DHRS7: variants seen among roughly 807,000 people sequenced by gnomAD.
The protein encoded by DHRS7 is dehydrogenase/reductase SDR family member 7.
In DHRS7, 34 loss-of-function variants were observed where a neutral mutation model predicts 38.9. That is an observed-to-expected ratio of 0.87 (90% CI 0.66 to 1.16). The LOEUF is 1.16. Ranked by LOEUF, DHRS7 falls within the 50% of genes most tolerant of loss-of-function variation. DHRS7 has a pLI of 0.00. For missense variants in DHRS7, 421 were observed against 407.0 expected (o/e 1.03, Z -0.30); for synonymous variants, 158 against 153.1 (o/e 1.03, Z -0.24).
At chr14:60,159,061 C>A in intron 1 of DHRS7, 1 of 461,468 alleles carries the variant, frequency 2.2e-6, no homozygotes, top group Non-Finnish European at 4.4e-6. Flanking sequence ...ATCCAAGGCC[C>A]AAAAGTTTGT....
In DHRS7 at chr14:60,149,554, AT is replaced by A; in HGVS notation, c.770del (p.Asn257MetfsTer8). 1 of 1,609,866 alleles carries A rather than the reference AT, an allele frequency of 6.2e-7. No individual in the cohort carries two copies. On this transcript the variant is annotated frameshift_variant, in exon 6 of 7. Transcript: ENST00000557185. LOFTEE classifies it high-confidence loss of function. ...TTGTCATCTTGTGGGACTGGTCTCC[AT>A]TATTGCCTATAGTCTAAGAAAAGTT... Reference protein sequence around the residue: ...AGEVTKTIGNNGDQSHKMTTS... With the variant: ...AGEVTKTIGNXGDQSHKMTTS...
chr14:60,153,898 A>T lies in DHRS7; in HGVS notation c.393+61T>A. On this transcript the variant is annotated intron_variant, in intron 3 of 6. Transcript: ENST00000557185. The surrounding 1 kb of genome is among the most constrained non-coding windows in gnomAD (Gnocchi z 4.4). ...AGCCCTTTGTATGACAGCACCACGGATGGGAATCTCTTCTGCAGTTACTTC... is the reference window on the plus strand; with the variant it reads ...AGCCCTTTGTATGACAGCACCACGGTTGGGAATCTCTTCTGCAGTTACTTC... The T allele has an allele frequency of 6.8e-7, 1 of 1,472,662 alleles. No homozygotes were observed. Among genetic ancestry groups the T allele is most frequent in the Non-Finnish European group, 9.5e-7 (1 of 1,052,600 alleles). The allele number at this position is 1,472,662 out of a possible 1,614,324, so 91.2% of individuals were successfully genotyped here.
rs1896587437 is a variant in DHRS7, at chr14:60,153,228, A to T, written c.394-50T>A. The T allele has an allele frequency of 2.5e-6, 4 of 1,599,094 alleles. No individual in the cohort carries two copies. In the African/African-American group the frequency reaches 5.4e-5, roughly 21 times the overall value. ...GGTGTTTGGGGGATGTCTTGTGGAT[A>T]GATTGATGGAATTCCTATGGATGGT... On this transcript the variant is annotated intron_variant, in intron 3 of 6. Transcript: ENST00000557185. This position sits in a 1 kb window ranked among gnomAD's most constrained non-coding sequence, Gnocchi z 4.4.
chr14:60,165,027 G>A lies in DHRS7; in HGVS notation c.133+150C>T, dbSNP rs1037242398. 3 of 978,328 alleles carry A rather than the reference G, an allele frequency of 3.1e-6. No individual in the cohort carries two copies. The African/African-American group carries it at 4.9e-5, about 16-fold the overall frequency. The allele number at this position is 978,328 out of a possible 1,614,324, so 60.6% of individuals were successfully genotyped here. A position where few individuals can be genotyped will look rare whatever the true frequency, so the allele number is the denominator to read the frequency against. On this transcript the variant is annotated intron_variant, in intron 1 of 6. Transcript: ENST00000557185. This position sits in a 1 kb window ranked among gnomAD's most constrained non-coding sequence, Gnocchi z 4.6. Reference sequence around the variant, plus strand: ...CTCGCCTCTTCCTCCCCAACCCGCAGCCCCTGCGTAAGGGGCAGCCGGGCC... The same window carrying A: ...CTCGCCTCTTCCTCCCCAACCCGCAACCCCTGCGTAAGGGGCAGCCGGGCC...
Position 60,149,661 on chromosome 14 carries a change from C to T in DHRS7, c.757-93G>A, listed in dbSNP as rs1219245851. The stretch of plus-strand genomic sequence containing the variant: ...TCAAATGCCGTCTAGTTGAGTGGTT[C>T]CTTTAGTGGAGCTTCATGCCCCTTA... On this transcript the variant is annotated intron_variant, in intron 5 of 6. Coordinates refer to ENST00000557185, the MANE Select transcript of DHRS7 (RefSeq NM_016029.4). 5.3e-6 allele frequency: 5 copies of T among 943,110 alleles called. No homozygotes were observed. The South Asian group carries it at 8.4e-5, about 16-fold the overall frequency. 58.4% of individuals were successfully genotyped at this position (943,110 alleles called of 1,614,324 possible). A position where few individuals can be genotyped will look rare whatever the true frequency, so the allele number is the denominator to read the frequency against.
chr14:60,166,604 C>T (rs368233018), upstream of DHRS7, among the ~76,000 whole-genome samples: 343 of 151,920 alleles, frequency 2.3e-3, 4 homozygotes, highest in Middle Eastern at 0.024. Flanking sequence ...ATAGCTCTTC[C>T]TTCTCTTTTT....
chr14:60,155,972 G>A, intron 2 of DHRS7, 28 bp downstream of exon 2: 1 of 1,484,300 alleles, frequency 6.7e-7, no homozygotes. Context: ...TTTCTAGGAA[G>A]CACCGCTGCT....
upstream of DHRS7, chr14:60,168,929 G>A (rs1896898609): frequency 1.5e-6 from 1 of 658,442 alleles, no homozygotes. Flanking sequence ...TGAAGTTTTG[G>A]AGAACCTGGG....
chr14:60,168,908 A>AG, upstream of DHRS7: 25 of 863,050 alleles, frequency 2.9e-5, no homozygotes, highest in Non-Finnish European at 3.6e-5. Context: ...TGGTTAGTCT[A>AG]ACTAACCCAT....
chr14:60,153,058 A>G lies in DHRS7; in HGVS notation c.514T>C (p.Cys172Arg), dbSNP rs1207038412. The change falls in exon 4 of 7, where the codon TGT becomes CGT. Residue 172 changes from cysteine to arginine, a missense_variant. Coordinates refer to ENST00000557185, the MANE Select transcript of DHRS7 (RefSeq NM_016029.4). This position sits in a 1 kb window ranked among gnomAD's most constrained non-coding sequence, Gnocchi z 4.4. Reference sequence around the variant, plus strand: ...CTCTCGATCATGTGAGGCAGAACACATTTTGTCAAGGACACCGTCCCTAAG... The same window carrying G: ...CTCTCGATCATGTGAGGCAGAACACGTTTTGTCAAGGACACCGTCCCTAAG... ...NYLGTVSLTK[C>R]VLPHMIERKQ... 2 of 1,614,104 alleles carry G rather than the reference A, an allele frequency of 1.2e-6. No individual in the cohort carries two copies. The highest frequency in any genetic ancestry group is 2.2e-5 in the South Asian group (2 of 91,088).
In DHRS7 at chr14:60,146,234, T is replaced by C. The variant is rs937116518; in HGVS notation, c.973-1221A>G. The C allele has an allele frequency of 8.6e-5, 13 of 151,510 alleles. No homozygotes were observed. Among genetic ancestry groups the C allele is most frequent in the East Asian group, 7.7e-4 (4 of 5,196 alleles). The allele number at this position is 151,510 out of a possible 1,614,324, so 9.4% of individuals were successfully genotyped here. A position where few individuals can be genotyped will look rare whatever the true frequency, so the allele number is the denominator to read the frequency against. ...TCATTTTTTTAGAAAAACCTAGATG[T>C]AAAAAAAATGCGAGATTTGCTAAAT... On this transcript the variant is annotated intron_variant, in intron 6 of 6. Transcript: ENST00000557185. The surrounding 1 kb of genome is among the most constrained non-coding windows in gnomAD (Gnocchi z 4.9).
intron 1 of DHRS7, among the ~76,000 whole-genome samples, chr14:60,158,468 C>A (rs1163515570): frequency 1.3e-5 from 2 of 152,106 alleles, no homozygotes; most frequent in Admixed American, 6.5e-5. Flanking sequence ...GAGTGAATAT[C>A]ATTTGTTTTA....
rs971551131 is a variant in DHRS7 at position 60,146,914 on chromosome 14, G to A, written c.973-1901C>T. On this transcript the variant is annotated intron_variant, in intron 6 of 6. Transcript: ENST00000557185. The surrounding 1 kb of genome is among the most constrained non-coding windows in gnomAD (Gnocchi z 4.9). ...TGGTTGCCAGGAGCCAGAAGATGGAGGAAATGGGGAGATCTTGGTCAAAAG... is the reference window on the plus strand; with the variant it reads ...TGGTTGCCAGGAGCCAGAAGATGGAAGAAATGGGGAGATCTTGGTCAAAAG... 9 of 152,314 alleles carry A rather than the reference G, an allele frequency of 5.9e-5. No homozygotes were observed. The highest frequency in any genetic ancestry group is 2.2e-4 in the African/African-American group (9 of 41,548). The allele number at this position is 152,314 out of a possible 1,614,324, so 9.4% of individuals were successfully genotyped here.
At position 60,146,345 on chromosome 14, in the gene DHRS7, G is replaced by A. The variant is rs1389871633; in HGVS notation, c.973-1332C>T. 1 of 151,798 alleles carries A rather than the reference G, an allele frequency of 6.6e-6. No individual in the cohort carries two copies. The highest frequency in any genetic ancestry group is 1.5e-5 in the Non-Finnish European group (1 of 67,958). The allele number at this position is 151,798 out of a possible 1,614,324, so 9.4% of individuals were successfully genotyped here. ...ATTTCTGGAAGTACTACTACAGTGGGACTGAAATTCTCTAGTCCCTGGTCC... is the reference window on the plus strand; with the variant it reads ...ATTTCTGGAAGTACTACTACAGTGGAACTGAAATTCTCTAGTCCCTGGTCC... On this transcript the variant is annotated intron_variant, in intron 6 of 6. Transcript: ENST00000557185. The surrounding 1 kb of genome is among the most constrained non-coding windows in gnomAD (Gnocchi z 4.9).
At chr14:60,155,707 CTAAG>C (rs2140602152) in intron 2 of DHRS7, 1 of 221,814 alleles carries the variant, frequency 4.5e-6, no homozygotes, top group Admixed American at 5.8e-5. Flanking sequence ...TGTTTTTTCT[CTAAG>C]ACAAAAATCT....
Position 60,152,930 on chromosome 14 carries a change from C to T in DHRS7, c.633+9G>A. ...CAGTTCTATCAGAGTTGAGTTTGAG[C>T]AGCCTTACCCGGAGAGCATGCTTGC... is the stretch of plus-strand genomic sequence containing the variant. On this transcript the variant is annotated intron_variant, in intron 4 of 6. Transcript: ENST00000557185. The T allele has an allele frequency of 6.2e-7, 1 of 1,613,856 alleles. No homozygotes were observed. Among genetic ancestry groups the T allele is most frequent in the Non-Finnish European group, 8.5e-7 (1 of 1,179,836 alleles).
rs17256038 is a variant in DHRS7 at position 60,153,295 on chromosome 14, T to C, written c.394-117A>G. 0.014 allele frequency: 16,886 copies of C among 1,208,608 alleles called. 151 individuals are homozygous for C. The highest frequency in any genetic ancestry group is 0.027 in the Middle Eastern group (113 of 4,172). The allele number at this position is 1,208,608 out of a possible 1,614,324, so 74.9% of individuals were successfully genotyped here. A position where few individuals can be genotyped will look rare whatever the true frequency, so the allele number is the denominator to read the frequency against. ...TTAAAGAATCAATGGAACAATGGTA[T>C]ATTTCCAGAAGTCAGCAATTAAAAA... is the stretch of plus-strand genomic sequence containing the variant. On this transcript the variant is annotated intron_variant, in intron 3 of 6. Transcript: ENST00000557185. This position sits in a 1 kb window ranked among gnomAD's most constrained non-coding sequence, Gnocchi z 4.4.
intron 4 of DHRS7, chr14:60,152,661 C>T (rs1721491459): frequency 4.7e-6 from 2 of 425,582 alleles, no homozygotes; most frequent in Non-Finnish European, 8.6e-6. Context: ...TTTTTGAGGG[C>T]AGAGACCACA....
Position 60,165,285 on chromosome 14 carries a change from G to A in DHRS7, c.25C>T (p.Leu9=). Residue 9 remains leucine (L), a synonymous_variant, in exon 1 of 7, where the codon CTG becomes TTG. Transcript: ENST00000557185. This position sits in a 1 kb window ranked among gnomAD's most constrained non-coding sequence, Gnocchi z 4.6. MNWELLLW[L]LVLCALLLLL... ...AGGAGCAGCGCGCACAGCACCAGCAGCCACAGCAGCAGCTCCCAGTTCATT... is the reference window on the plus strand; with the variant it reads ...AGGAGCAGCGCGCACAGCACCAGCAACCACAGCAGCAGCTCCCAGTTCATT... The A allele has an allele frequency of 6.3e-7, 1 of 1,596,876 alleles. No individual in the cohort carries two copies. The highest frequency in any genetic ancestry group is 8.5e-7 in the Non-Finnish European group (1 of 1,174,338).
Sources: gnomAD v4.1 joint callset for allele counts (sites outside exome capture counted in the v4.1 genomes callset) on GRCh38, gnomAD v4.1.1 for gene constraint, Gnocchi (gnomAD v3.1) non-coding constraint, MANE v1.5 for transcripts, NCBI Gene and HGNC (gene_info 2026-07-23, HGNC 2026-07-21) for gene names.